NQO2: variants seen among roughly 807,000 people sequenced by gnomAD.
The protein encoded by NQO2 is ribosyldihydronicotinamide dehydrogenase [quinone].
A neutral mutation model predicts 22.0 loss-of-function variants in NQO2; 18 were observed. That is an observed-to-expected ratio of 0.82 (90% CI 0.56 to 1.21). The LOEUF is 1.21. Among genes scored for constraint, NQO2 ranks in the 50% most tolerant of loss-of-function variants. The pLI, the probability that NQO2 is intolerant of heterozygous loss-of-function variation, is 0.00. For missense variants in NQO2, 267 were observed against 286.9 expected (o/e 0.93, Z 0.50); for synonymous variants, 106 against 110.8 (o/e 0.96, Z 0.28).
intron 1 of NQO2, chr6:3,004,204 C>T: frequency 1.4e-5 from 6 of 432,596 alleles, no homozygotes; most frequent in Non-Finnish European, 1.5e-5. Flanking sequence ...AACTGCAAGG[C>T]AGCCTAGGAA....
At position 3,006,649 on chromosome 6, in the gene NQO2, C is replaced by T. The variant is rs376280614; in HGVS notation, c.7+90C>T. 7 of 1,326,110 alleles carry T rather than the reference C, an allele frequency of 5.3e-6. No homozygotes were observed. In the African/African-American group the frequency reaches 6.0e-5, roughly 11 times the overall value. The allele number at this position is 1,326,110 out of a possible 1,614,324, so 82.1% of individuals were successfully genotyped here. A position where few individuals can be genotyped will look rare whatever the true frequency, so the allele number is the denominator to read the frequency against. ...CAGGCTGGTCTCAAACTCCTGAGCT[C>T]AAGTGACCCTCCCACATTGACCTTC... On this transcript the variant is annotated intron_variant, in intron 2 of 6. Transcript: ENST00000380455. The surrounding 1 kb of genome is among the most constrained non-coding windows in gnomAD (Gnocchi z 4.0).
In NQO2 at chr6:3,016,939, A is replaced by G; in HGVS notation, c.473A>G (p.Lys158Arg). 6.2e-7 allele frequency: 1 copy of G among 1,614,134 alleles called. No homozygotes were observed. Among genetic ancestry groups the G allele is most frequent in the Non-Finnish European group, 8.5e-7 (1 of 1,180,028 alleles). ...GGAGGCACGGCCGAGATGTACACGA[A>G]GACAGGAGTCAATGGAGATTCTCGA... ...TTGGTAEMYT[K>R]TGVNGDSRYF... Residue 158 changes from lysine to arginine, a missense_variant, in exon 6 of 7, where the codon AAG becomes AGG. Coordinates refer to ENST00000380455, the MANE Select transcript of NQO2 (RefSeq NM_000904.6).
chr6:3,015,729 T>C, intron 5 of NQO2, 86 bp downstream of exon 5: 2 of 1,304,850 alleles, frequency 1.5e-6, no homozygotes, highest in Non-Finnish European at 2.2e-6. Flanking sequence ...ATTTCTAGTT[T>C]CCTTCCTTTT....
At chr6:3,007,611 G>A (rs1246706989) in intron 2 of NQO2, among the ~76,000 whole-genome samples, 1 of 152,196 alleles carries the variant, frequency 6.6e-6, no homozygotes, top group Non-Finnish European at 1.5e-5. Context: ...CCTCCCAGAC[G>A]AAGTCAGTAT....
chr6:3,006,318 A>G lies in NQO2; in HGVS notation c.-85-150A>G. On this transcript the variant is annotated intron_variant, in intron 1 of 6. Coordinates refer to ENST00000380455, the MANE Select transcript of NQO2 (RefSeq NM_000904.6). The surrounding 1 kb of genome is among the most constrained non-coding windows in gnomAD (Gnocchi z 4.0). ...CTGCGTGGCTTGTCCTCTGAGGCCT[A>G]AATCTCCAGAAGATTCCTGGCCTCT... is the stretch of plus-strand genomic sequence containing the variant. The G allele has an allele frequency of 1.5e-6, 2 of 1,354,200 alleles. No individual in the cohort carries two copies. Among genetic ancestry groups the G allele is most frequent in the Non-Finnish European group, 1.9e-6 (2 of 1,050,072 alleles). The allele number at this position is 1,354,200 out of a possible 1,614,324, so 83.9% of individuals were successfully genotyped here.
intron 1 of NQO2, chr6:3,004,708 A>C: frequency 1.1e-6 from 1 of 926,272 alleles, no homozygotes; most frequent in Non-Finnish European, 1.3e-6. Flanking sequence ...CTGTAAAGAC[A>C]CACTGATAGG....
rs749657168 is a variant in NQO2 at position 3,019,543 on chromosome 6, T to C, written c.584T>C (p.Ile195Thr). The change falls in exon 7 of 7, where the codon ATT (isoleucine) becomes ACT (threonine). Residue 195 changes from isoleucine to threonine, a missense_variant. Transcript: ENST00000380455. ...CCTCAGATCAGCTTTGCTCCTGAAA[T>C]TGCATCCGAAGAAGAAAGAAAGGGG... ...LAPQISFAPE[I>T]ASEEERKGMV... 3.1e-6 allele frequency: 5 copies of C among 1,614,146 alleles called. No individual in the cohort carries two copies. The highest frequency in any genetic ancestry group is 4.5e-5 in the East Asian group (2 of 44,886).
At chr6:3,015,473 C>T in intron 4 of NQO2, 57 bp from the exon 5 acceptor site, 3 of 1,587,628 alleles carry the variant, frequency 1.9e-6, no homozygotes, top group Non-Finnish European at 2.6e-6. Context: ...ATAAACTAAA[C>T]TAGGAAACCT....
chr6:3,014,552 A>G (rs1757260036), intron 4 of NQO2, among the ~76,000 whole-genome samples: 1 of 152,166 alleles, frequency 6.6e-6, no homozygotes, highest in Non-Finnish European at 1.5e-5. Context: ...GTGGCTGGGT[A>G]GGCTAAGACC....
At chr6:3,015,174 G>A in intron 4 of NQO2, 1 of 1,318,188 alleles carries the variant, frequency 7.6e-7, no homozygotes, top group Non-Finnish European at 9.9e-7. Flanking sequence ...GCAGGCGAAG[G>A]GGCATGCTTT....
rs6955 is a variant in NQO2 at position 3,019,693 on chromosome 6, G to C, written c.*38G>C. The stretch of plus-strand genomic sequence containing the variant: ...TGGGCATCACGTAAGCAGCACACTA[G>C]GAGGCCCAGGCGCAGGCAAAGAGAA... On this transcript the variant is annotated 3_prime_UTR_variant, in exon 7 of 7. Coordinates refer to ENST00000380455, the MANE Select transcript of NQO2 (RefSeq NM_000904.6). 0.21 allele frequency: 320,764 copies of C among 1,519,772 alleles called. 35,440 individuals are homozygous for C. Among genetic ancestry groups the C allele is most frequent in the Non-Finnish European group, 0.23 (253,273 of 1,125,350 alleles). 94.1% of individuals were successfully genotyped at this position (1,519,772 alleles called of 1,614,324 possible).
chr6:3,010,044 C>G lies in NQO2; in HGVS notation c.27C>G (p.Val9=), dbSNP rs1259518826. The change falls in exon 3 of 7, where the codon GTC becomes GTG. Residue 9 remains valine, a synonymous_variant. Transcript: ENST00000380455. ...ATTTAGGTAAGAAAGTACTCATTGT[C>G]TATGCACACCAGGAACCCAAGTCTT... MAGKKVLI[V]YAHQEPKSFN... is the part of the protein sequence containing the mutation. 1.2e-6 allele frequency: 2 copies of G among 1,613,534 alleles called. No homozygotes were observed. The highest frequency in any genetic ancestry group is 8.5e-7 in the Non-Finnish European group (1 of 1,179,840).
chr6:3,012,300 T>C (rs992905772), intron 3 of NQO2: 2 of 743,888 alleles, frequency 2.7e-6, no homozygotes, highest in African/African-American at 3.8e-5. Context: ...GTCTCACCAG[T>C]TGTTATGAAG....
chr6:3,002,608 C>T (rs1027741574), intron 1 of NQO2, among the ~76,000 whole-genome samples: 6 of 152,000 alleles, frequency 3.9e-5, no homozygotes, highest in South Asian at 4.2e-4. Flanking sequence ...CCACAACTGG[C>T]GATCATTCCA....
Position 3,018,422 on chromosome 6 carries a change from T to C in NQO2, c.520-1057T>C, listed in dbSNP as rs573921057. Among the ~76,000 whole-genome samples the C allele has an allele frequency of 3.3e-5, 5 of 152,306 alleles. No homozygotes were observed. In the East Asian group the frequency reaches 9.6e-4, roughly 29 times the overall value. Reference sequence around the variant, plus strand: ...TGGGAGGCTGAGGCAGCAGAATCGCTTGAACCTGAGAGACGGAGGTTGCAG... The same window carrying C: ...TGGGAGGCTGAGGCAGCAGAATCGCCTGAACCTGAGAGACGGAGGTTGCAG... On this transcript the variant is annotated intron_variant, in intron 6 of 6. Transcript: ENST00000380455.
Position 3,006,592 on chromosome 6 carries a change from T to A in NQO2, c.7+33T>A. On this transcript the variant is annotated intron_variant, in intron 2 of 6. Transcript: ENST00000380455. This position sits in a 1 kb window ranked among gnomAD's most constrained non-coding sequence, Gnocchi z 4.0. ...TTCACTATTGTGGAGTAAGACTTTT[T>A]TTTTTTTGAGATGGGATTTTGTTGT... is the stretch of plus-strand genomic sequence containing the variant. The A allele has an allele frequency of 6.4e-7, 1 of 1,565,226 alleles. No individual in the cohort carries two copies. The highest frequency in any genetic ancestry group is 8.6e-7 in the Non-Finnish European group (1 of 1,157,900).
intron 6 of NQO2, among the ~76,000 whole-genome samples, chr6:3,018,703 C>T (rs73718923): frequency 0.058 from 8,847 of 152,118 alleles, 424 homozygotes; most frequent in African/African-American, 0.13. Flanking sequence ...GGAAAAAGTA[C>T]GTGATTCCAG....
rs554610052 is a variant in NQO2 at position 3,019,574 on chromosome 6, G to T, written c.615G>T (p.Val205=). 2 of 1,614,180 alleles carry T rather than the reference G, an allele frequency of 1.2e-6. No individual in the cohort carries two copies. The highest frequency in any genetic ancestry group is 1.1e-5 in the South Asian group (1 of 91,086). ...CCGAAGAAGAAAGAAAGGGGATGGT[G>T]GCTGCGTGGTCCCAGAGGCTGCAGA... is the stretch of plus-strand genomic sequence containing the variant. ...IASEEERKGM[V]AAWSQRLQTI... The change falls in exon 7 of 7, where the codon GTG becomes GTT. Residue 205 remains valine, a synonymous_variant. Transcript: ENST00000380455.
chr6:3,015,073 G>T (rs1757275257), intron 4 of NQO2: 2 of 1,289,196 alleles, frequency 1.6e-6, no homozygotes, highest in Admixed American at 4.6e-5. Flanking sequence ...CTGGTCTAAG[G>T]AATACAAACA....
Sources: gnomAD v4.1 joint callset for allele counts (sites outside exome capture counted in the v4.1 genomes callset) on GRCh38, gnomAD v4.1.1 for gene constraint, Gnocchi (gnomAD v3.1) non-coding constraint, MANE v1.5 for transcripts, NCBI Gene and HGNC (gene_info 2026-07-23, HGNC 2026-07-21) for gene names.